The following ZNF7 variants were observed in gnomAD, a reference collection of about 807,000 sequenced individuals.
The protein encoded by ZNF7 is C2-H2 type zinc finger protein.
ZNF7 carries 10 observed loss-of-function variants against 12.0 expected under a neutral mutation model. The observed-to-expected ratio is 0.83, with a 90% confidence interval of 0.51 to 1.42. ZNF7 has a LOEUF of 1.42. Ranked by LOEUF, ZNF7 falls within the 40% of genes most tolerant of loss-of-function variation. ZNF7 has a pLI of 0.00. For missense variants in ZNF7, 854 were observed against 837.2 expected (o/e 1.02, Z -0.25); for synonymous variants, 334 against 295.0 (o/e 1.13, Z -1.35).
At chr8:144,835,837 C>T (rs1828921830) in intron 3 of ZNF7, 1 of 152,152 alleles carries the variant, frequency 6.6e-6, no homozygotes, top group Non-Finnish European at 1.5e-5. Flanking sequence ...CAGTGGCTTA[C>T]TGCAGCCTGG....
At chr8:144,837,856 AT>A (rs1310818527) in intron 4 of ZNF7, among the ~76,000 whole-genome samples, 2 of 152,222 alleles carry the variant, frequency 1.3e-5, no homozygotes, top group African/African-American at 4.8e-5. Context: ...TAGGTTTGGC[AT>A]TCAGTAACCT....
At chr8:144,831,188 C>T (rs764151117) in intron 3 of ZNF7, among the ~76,000 whole-genome samples, 4 of 152,236 alleles carry the variant, frequency 2.6e-5, no homozygotes, top group Admixed American at 2.6e-4. Flanking sequence ...GTCATTCCCC[C>T]AGCAGCAGTT....
rs1286551938 is a variant in ZNF7 at position 144,829,516 on chromosome 8, T to C, written c.42T>C (p.Ser14=). The C allele has an allele frequency of 6.2e-7, 1 of 1,614,156 alleles. No homozygotes were observed. The highest frequency in any genetic ancestry group is 1.1e-5 in the South Asian group (1 of 91,086). The part of the protein sequence containing the change: ...VTFGDVAVHF[S]REEWQCLDPG... ...TTGGCGATGTGGCTGTGCACTTCTCTCGGGAGGAGTGGCAGTGTCTGGACC... is the reference window on the plus strand; with the variant it reads ...TTGGCGATGTGGCTGTGCACTTCTCCCGGGAGGAGTGGCAGTGTCTGGACC... The change falls in exon 3 of 5, where the codon TCT becomes TCC. Residue 14 remains serine (S), a synonymous_variant. Coordinates refer to ENST00000532777, the MANE Select transcript of ZNF7 (RefSeq NM_003416.4).
intron 3 of ZNF7, chr8:144,831,050 C>T: frequency 2.2e-6 from 1 of 456,254 alleles, no homozygotes; most frequent in South Asian, 1.5e-5. Flanking sequence ...TTGGGGTTTT[C>T]TTCATCCAGT....
chr8:144,835,270 TA>T (rs949371880), intron 3 of ZNF7: 4 of 152,078 alleles, frequency 2.6e-5, no homozygotes, highest in Admixed American at 1.3e-4. Context: ...GTGGTGCGAT[TA>T]TAGCTCACTG....
intron 4 of ZNF7, among the ~76,000 whole-genome samples, chr8:144,840,568 T>G (rs976389942): frequency 7.2e-5 from 11 of 152,170 alleles, no homozygotes; most frequent in African/African-American, 2.7e-4. Context: ...CAAGGAGATG[T>G]CTGACCTCAG....
At position 144,843,234 on chromosome 8, in the gene ZNF7, G is replaced by A. The variant is rs1055730842; in HGVS notation, c.*66G>A. 1.4e-6 allele frequency: 2 copies of A among 1,479,932 alleles called. No individual in the cohort carries two copies. Among genetic ancestry groups the A allele is most frequent in the African/African-American group, 1.4e-5 (1 of 70,868 alleles). 91.7% of individuals were successfully genotyped at this position (1,479,932 alleles called of 1,614,324 possible). A position where few individuals can be genotyped will look rare whatever the true frequency, so the allele number is the denominator to read the frequency against. ...TAGCCTTAACTTACTTATTTTATAT[G>A]GAATCGTTTATACTGACAAACATGT... On this transcript the variant is annotated 3_prime_UTR_variant, in exon 5 of 5. Transcript: ENST00000532777.
At chr8:144,829,974 T>C (rs1420501696) in intron 3 of ZNF7, 1 of 167,216 alleles carries the variant, frequency 6.0e-6, no homozygotes, top group East Asian at 1.6e-4. Context: ...ACACGGCTGC[T>C]TTGCAGATGC....
At position 144,841,647 on chromosome 8, in the gene ZNF7, T is replaced by C. The variant is rs2130702409; in HGVS notation, c.540T>C (p.Asp180=). 2 of 1,614,146 alleles carry C rather than the reference T, an allele frequency of 1.2e-6. No homozygotes were observed. The highest frequency in any genetic ancestry group is 1.6e-4 in the Middle Eastern group (1 of 6,062). ...GCKELGSSGL[D]CQPLESQGES... The stretch of plus-strand genomic sequence containing the variant: ...AGGAGCTGGGAAGCAGCGGCCTGGA[T>C]TGTCAGCCTCTTGAAAGTCAGGGAG... The change falls in exon 5 of 5, where the codon GAT becomes GAC. Residue 180 remains aspartate (D), a synonymous_variant. Coordinates refer to ENST00000532777, the MANE Select transcript of ZNF7 (RefSeq NM_003416.4).
At chr8:144,829,791 C>G in intron 3 of ZNF7, 187 bp downstream of exon 3, 1 of 631,582 alleles carries the variant, frequency 1.6e-6, no homozygotes, top group Non-Finnish European at 2.4e-6. Flanking sequence ...GGTTCAGCCC[C>G]CAGGGAGTGG....
chr8:144,828,424 T>TCCAACCTCCAGTCGCTCACTGCCTTCC lies in ZNF7; in HGVS notation c.-45-590_-45-564dup, dbSNP rs576994265. Among the ~76,000 whole-genome samples, 79 of 152,068 alleles carry TCCAACCTCCAGTCGCTCACTGCCTTCC rather than the reference T, an allele frequency of 5.2e-4. 2 individuals are homozygous for TCCAACCTCCAGTCGCTCACTGCCTTCC. Among genetic ancestry groups the TCCAACCTCCAGTCGCTCACTGCCTTCC allele is most frequent in the Admixed American group, 2.6e-3 (39 of 15,272 alleles). On this transcript the variant is annotated intron_variant, in intron 1 of 4. Transcript: ENST00000532777. ...GTTTGTCATTTTTGCTCCTGCCTTC[T>TCCAACCTCCAGTCGCTCACTGCCTTCC]CCAACCTCCAGTCGCTCACTGCCTT...
Position 144,829,573 on chromosome 8 carries a change from G to C in ZNF7, c.99G>C (p.Met33Ile), listed in dbSNP as rs757323823. The C allele has an allele frequency of 6.2e-7, 1 of 1,613,608 alleles. No homozygotes were observed. Among genetic ancestry groups the C allele is most frequent in the South Asian group, 1.1e-5 (1 of 91,074 alleles). ...PGQRALYREV[M>I]LENHSSVAGL... is the part of the protein sequence containing the mutation. ...AGAGGGCCCTCTACAGGGAAGTGATGCTGGAGAACCACAGCAGTGTGGCTG... is the reference window on the plus strand; with the variant it reads ...AGAGGGCCCTCTACAGGGAAGTGATCCTGGAGAACCACAGCAGTGTGGCTG... The change falls in exon 3 of 5, where the codon ATG (methionine) becomes ATC (isoleucine). Residue 33 changes from methionine to isoleucine, a missense_variant. By Grantham distance (10) the Met-to-Ile change is conservative. Transcript: ENST00000532777.
At chr8:144,827,838 C>T (rs556464204) in intron 1 of ZNF7, 22 of 265,992 alleles carry the variant, frequency 8.3e-5, no homozygotes, top group African/African-American at 4.6e-4. Context: ...CCGAGTCTCG[C>T]AGCTCCCCGC....
At chr8:144,829,868 C>T (rs776235399) in intron 3 of ZNF7, 1 of 333,422 alleles carries the variant, frequency 3.0e-6, no homozygotes, top group Non-Finnish European at 5.4e-6. Flanking sequence ...AAATAGAATC[C>T]AAACTTGAAA....
Position 144,837,598 on chromosome 8 carries a change from C to T in ZNF7, c.247+91C>T, listed in dbSNP as rs955186568. 37 of 894,498 alleles carry T rather than the reference C, an allele frequency of 4.1e-5. 1 individual carries two copies. Among genetic ancestry groups the T allele is most frequent in the South Asian group, 1.5e-4 (9 of 58,250 alleles). 55.4% of individuals were successfully genotyped at this position (894,498 alleles called of 1,614,324 possible). A position where few individuals can be genotyped will look rare whatever the true frequency, so the allele number is the denominator to read the frequency against. ...ACTGTGGGTAGCTGTGGGTGAGTCG[C>T]GGGGGCTACACTGGGATGCCTGGGA... On this transcript the variant is annotated intron_variant, in intron 4 of 4. Transcript: ENST00000532777.
rs1828701124 is a variant in ZNF7 at position 144,833,738 on chromosome 8, T to G, written c.131-3653T>G. ...GTTTTTTGCTTTAATTTTGTAGTGT[T>G]TCTTAATACTACAAGAATACTAAAA... On this transcript the variant is annotated intron_variant, in intron 3 of 4. Coordinates refer to ENST00000532777, the MANE Select transcript of ZNF7 (RefSeq NM_003416.4). The G allele has an allele frequency of 2.6e-5, 4 of 152,124 alleles. No homozygotes were observed. In the South Asian group the frequency reaches 6.2e-4, roughly 24 times the overall value. 9.4% of individuals were successfully genotyped at this position (152,124 alleles called of 1,614,324 possible).
At chr8:144,829,856 A>C in intron 3 of ZNF7, 1 of 359,772 alleles carries the variant, frequency 2.8e-6, no homozygotes, top group Non-Finnish European at 5.0e-6. Flanking sequence ...TTAAATTGTG[A>C]GAAATAGAAT....
intron 3 of ZNF7, chr8:144,836,341 A>G (rs1210754403): frequency 2.0e-5 from 3 of 152,234 alleles, no homozygotes; most frequent in Non-Finnish European, 4.4e-5. Context: ...CTAAATAAAT[A>G]ACATTTTATC....
downstream of ZNF7, among the ~76,000 whole-genome samples, chr8:144,845,774 A>T (rs761200482): frequency 2.6e-5 from 4 of 152,150 alleles, no homozygotes; most frequent in East Asian, 7.7e-4. Flanking sequence ...CTCCACAGCC[A>T]TGGAGTCAGT....
Sources: gnomAD v4.1 joint callset for allele counts (sites outside exome capture counted in the v4.1 genomes callset) on GRCh38, gnomAD v4.1.1 for gene constraint, MANE v1.5 for transcripts, NCBI Gene and HGNC (gene_info 2026-07-23, HGNC 2026-07-21) for gene names.